The following SCN11A variants were observed in gnomAD, a reference collection of about 807,000 sequenced individuals.
The protein encoded by SCN11A is sodium channel protein type 11 subunit alpha.
Under a neutral mutation model 162.2 loss-of-function variants are expected in SCN11A, and 122 were observed. The observed-to-expected ratio is 0.75, with a 90% CI of 0.65 to 0.87. The LOEUF (loss-of-function observed/expected upper bound fraction) is 0.87, where lower values mean the gene tolerates loss of function less well. SCN11A is among the 40% of genes least tolerant of loss of function. The pLI is 0.00. For synonymous variants in SCN11A, 758 were observed against 751.5 expected, an observed-to-expected ratio of 1.01 and a Z score of -0.14; for missense variants, 2,015 against 2,181.6, an observed-to-expected ratio of 0.92 and a Z score of 1.52.
At chr3:39,003,151 GCTAT>G (rs1165540282) in intron 2 of SCN11A, among the ~76,000 whole-genome samples, 1 of 152,106 alleles carries the variant, frequency 6.6e-6, no homozygotes, top group Non-Finnish European at 1.5e-5. Flanking sequence ...GTACCGAATA[GCTAT>G]CATTTCTTCT....
At chr3:38,870,656 A>G (rs372828461) in intron 26 of SCN11A, 35 bp downstream of exon 26, 95 of 1,585,938 alleles carry the variant, frequency 6.0e-5, no homozygotes, top group East Asian at 1.3e-4. Context: ...TGACTTGACC[A>G]TAACACTCCA....
rs1290810164 is a variant in SCN11A at position 38,880,007 on chromosome 3, G to A, written c.3336C>T (p.Phe1112=). The stretch of plus-strand genomic sequence containing the variant: ...CACTGGTGAAATACTTTCCAAATCC[G>A]AAGGCTACCCATTTTAGTACCATCT... ...ILEMVLKWVA[F]GFGKYFTSAW... is the part of the protein sequence containing the mutation. The change falls in exon 23 of 30, where the codon TTC becomes TTT. Residue 1112 remains phenylalanine, a synonymous_variant. Transcript: ENST00000302328. 22 of 1,612,756 alleles carry A rather than the reference G, an allele frequency of 1.4e-5. No individual in the cohort carries two copies. The highest frequency in any genetic ancestry group is 4.4e-5 in the South Asian group (4 of 90,998).
intron 7 of SCN11A, among the ~76,000 whole-genome samples, chr3:38,940,803 T>C (rs1161260882): frequency 1.3e-5 from 2 of 152,160 alleles, no homozygotes; most frequent in Non-Finnish European, 2.9e-5. Flanking sequence ...GAGGAAAGTT[T>C]GTTAAATTTA....
intron 2 of SCN11A, among the ~76,000 whole-genome samples, chr3:38,965,761 C>T (rs527419788): frequency 6.6e-6 from 1 of 151,978 alleles, no homozygotes; most frequent in Admixed American, 6.6e-5. Context: ...TTGGAAGACA[C>T]AGATTCGACT....
chr3:38,931,263 C>A (rs567058380), intron 7 of SCN11A, among the ~76,000 whole-genome samples: 1 of 152,348 alleles, frequency 6.6e-6, no homozygotes, highest in Admixed American at 6.5e-5. Flanking sequence ...TAACCAGGTT[C>A]CAGGTTCCAC....
chr3:38,986,051 G>A (rs1447893107), intron 2 of SCN11A, among the ~76,000 whole-genome samples: 1 of 151,070 alleles, frequency 6.6e-6, no homozygotes, highest in South Asian at 2.1e-4. Flanking sequence ...TACAAGTGAT[G>A]TAAGAAAGTA....
intron 4 of SCN11A, among the ~76,000 whole-genome samples, chr3:38,953,145 A>C (rs960601310): frequency 1.3e-5 from 2 of 152,136 alleles, no homozygotes; most frequent in Non-Finnish European, 2.9e-5. Context: ...CCCTTAGCAA[A>C]CTAACTCAGG....
At chr3:39,041,568 GA>G (rs1397755436) in intron 1 of SCN11A, among the ~76,000 whole-genome samples, 2 of 152,076 alleles carry the variant, frequency 1.3e-5, no homozygotes, top group Non-Finnish European at 2.9e-5. Flanking sequence ...AGTGCTGTAA[GA>G]AAAAAACTGC....
chr3:38,914,019 A>G (rs2065923804), intron 11 of SCN11A, among the ~76,000 whole-genome samples: 1 of 152,152 alleles, frequency 6.6e-6, no homozygotes, highest in Non-Finnish European at 1.5e-5. Context: ...CATTTTTTAA[A>G]TTCTGTCAAG....
At chr3:39,002,415 C>A (rs1212490800) in intron 2 of SCN11A, among the ~76,000 whole-genome samples, 1 of 152,154 alleles carries the variant, frequency 6.6e-6, no homozygotes, top group East Asian at 1.9e-4. Flanking sequence ...ATGATTTATA[C>A]AAGCAAAAGG....
intron 2 of SCN11A, among the ~76,000 whole-genome samples, chr3:39,027,167 TG>T (rs762846554): frequency 2.0e-5 from 3 of 152,108 alleles, no homozygotes; most frequent in Non-Finnish European, 4.4e-5. Context: ...CATGGAAAGA[TG>T]GGTAGAATGA....
intron 23 of SCN11A, 128 bp downstream of exon 23, chr3:38,879,822 G>A (rs2126103574): frequency 2.9e-6 from 2 of 686,428 alleles, no homozygotes; most frequent in East Asian, 2.8e-5. Flanking sequence ...CTGTGAAGAG[G>A]CAATGATAAC....
intron 28 of SCN11A, among the ~76,000 whole-genome samples, chr3:38,856,770 T>C (rs2064876668): frequency 2.0e-5 from 3 of 152,140 alleles, no homozygotes; most frequent in Non-Finnish European, 4.4e-5. Context: ...CCAGATAAGC[T>C]GCAAGAGATC....
rs1575262431 is a variant in SCN11A, at chr3:38,897,172, C to T, written c.2076G>A (p.Lys692=). ...GGGCTCCGACAGAGTTGCCGATTAT[C>T]TTAATTAGTGTGTTCAAAGTTGGCC... ...KSWPTLNTLI[K]IIGNSVGALG... Residue 692 remains lysine, a synonymous_variant, in exon 18 of 30, where the codon AAG becomes AAA. Coordinates refer to ENST00000302328, the MANE Select transcript of SCN11A (RefSeq NM_001349253.2). 1.2e-6 allele frequency: 2 copies of T among 1,614,100 alleles called. No homozygotes were observed. Among genetic ancestry groups the T allele is most frequent in the Non-Finnish European group, 1.7e-6 (2 of 1,180,010 alleles).
chr3:38,951,226 T>C (rs2066609192), intron 4 of SCN11A, among the ~76,000 whole-genome samples: 1 of 152,116 alleles, frequency 6.6e-6, no homozygotes, highest in South Asian at 2.1e-4. Flanking sequence ...GGCGTGGGCT[T>C]GGCGGGCGCC....
At chr3:38,888,447 T>C (rs374597884) in intron 19 of SCN11A, among the ~76,000 whole-genome samples, 8 of 152,278 alleles carry the variant, frequency 5.3e-5, no homozygotes, top group African/African-American at 1.9e-4. Context: ...TTCCAAAATA[T>C]ATGAGGAAAC....
At chr3:39,038,388 A>C (rs1338941747) in intron 1 of SCN11A, among the ~76,000 whole-genome samples, 4 of 152,232 alleles carry the variant, frequency 2.6e-5, no homozygotes, top group Non-Finnish European at 4.4e-5. Context: ...ACCAAGACAC[A>C]TACAGTGAGG....
chr3:38,959,724 C>G (rs145224217), intron 3 of SCN11A, among the ~76,000 whole-genome samples: 143 of 152,222 alleles, frequency 9.4e-4, no homozygotes, highest in African/African-American at 3.3e-3. Context: ...TATTTATTAA[C>G]GTAAGTTACA....
At chr3:38,961,701 T>C (rs1300946842) in intron 2 of SCN11A, among the ~76,000 whole-genome samples, 1 of 152,220 alleles carries the variant, frequency 6.6e-6, no homozygotes, top group Non-Finnish European at 1.5e-5. Flanking sequence ...TGTAGACTCT[T>C]TAAAAAAATT....
Sources: gnomAD v4.1 joint callset for allele counts (sites outside exome capture counted in the v4.1 genomes callset) on GRCh38, gnomAD v4.1.1 for gene constraint, MANE v1.5 for transcripts, NCBI Gene and HGNC (gene_info 2026-07-23, HGNC 2026-07-21) for gene names.